Variants in SLIT2 observed in about 807,000 individuals in gnomAD.
SLIT2 encodes the protein slit guidance ligand 2, also known as slit homolog 2 protein.
A neutral mutation model predicts 185.7 loss-of-function variants in SLIT2; 41 were observed. That is an observed-to-expected ratio of 0.22 (90% CI 0.17 to 0.29). The LOEUF (loss-of-function observed/expected upper bound fraction) is 0.29, where lower values mean the gene tolerates loss of function less well. Among genes scored for constraint, SLIT2 ranks in the 10% least tolerant of loss-of-function variants. The pLI, the probability that SLIT2 is intolerant of heterozygous loss-of-function variation, is 1.00. For missense variants in SLIT2, 1,571 were observed against 1,909.0 expected, an observed-to-expected ratio of 0.82 and a Z score of 3.30; for synonymous variants, 693 against 680.2, an observed-to-expected ratio of 1.02 and a Z score of -0.29.
intron 4 of SLIT2, among the ~76,000 whole-genome samples, chr4:20,439,874 A>G (rs1253904879): frequency 6.6e-6 from 1 of 152,212 alleles, no homozygotes; most frequent in Non-Finnish European, 1.5e-5. Context: ...CCCTTGAGGA[A>G]CTCACCACAT....
chr4:20,324,985 G>T (rs1719435898), intron 4 of SLIT2, among the ~76,000 whole-genome samples: 1 of 151,968 alleles, frequency 6.6e-6, no homozygotes, highest in African/African-American at 2.4e-5. Flanking sequence ...TAATAAAGCT[G>T]GAAAAGAAAA....
intron 4 of SLIT2, among the ~76,000 whole-genome samples, chr4:20,322,516 C>T (rs1207978885): frequency 6.6e-6 from 1 of 152,068 alleles, no homozygotes; most frequent in Non-Finnish European, 1.5e-5. Flanking sequence ...CTCCTCTGTG[C>T]TTATCAGGTT....
rs748838365 is a variant in SLIT2 at position 20,617,504 on chromosome 4, A to G, written c.4202A>G (p.His1401Arg). ...FSYSCKCLEG[H>R]GGVLCDEEED... ...TACAGCTGTAAGTGCTTGGAGGGCC[A>G]TGGAGGTGTCCTCTGTGATGAAGAG... is the stretch of plus-strand genomic sequence containing the variant. Residue 1401 changes from histidine to arginine, a missense_variant, in exon 36 of 37, where the codon CAT becomes CGT. By Grantham distance (29) the His-to-Arg change is conservative (BLOSUM62 0). This residue lies in a region of SLIT2 where 223 missense variants were observed against 245.2 expected (regional missense o/e 0.91). Coordinates refer to ENST00000504154, the MANE Select transcript of SLIT2 (RefSeq NM_004787.4). The G allele has an allele frequency of 6.2e-7, 1 of 1,614,120 alleles. No homozygotes were observed. Among genetic ancestry groups the G allele is most frequent in the African/African-American group, 1.3e-5 (1 of 75,058 alleles).
chr4:20,318,441 A>C (rs1482638660), intron 4 of SLIT2, among the ~76,000 whole-genome samples: 1 of 152,212 alleles, frequency 6.6e-6, no homozygotes, highest in African/African-American at 2.4e-5. Flanking sequence ...CTAATGTTCA[A>C]GTGCAAGCAT....
chr4:20,357,985 T>C (rs1178419960), intron 4 of SLIT2, among the ~76,000 whole-genome samples: 1 of 152,146 alleles, frequency 6.6e-6, no homozygotes, highest in African/African-American at 2.4e-5. Context: ...ATATGTGGAT[T>C]TTAATTGTTA....
At chr4:20,401,482 G>T (rs13139138) in intron 4 of SLIT2, among the ~76,000 whole-genome samples, 13,775 of 151,780 alleles carry the variant, frequency 0.091, 810 homozygotes, top group Non-Finnish European at 0.14. Flanking sequence ...GAGAGACAAA[G>T]CTTGTGAAGA....
chr4:20,596,639 C>T lies in SLIT2; in HGVS notation c.3545C>T (p.Thr1182Met), dbSNP rs147077169. The T allele has an allele frequency of 7.4e-6, 12 of 1,612,986 alleles. No individual in the cohort carries two copies. Among genetic ancestry groups the T allele is most frequent in the African/African-American group, 2.7e-5 (2 of 74,992 alleles). ...QIPSAKVRPQ[T>M]NITLQIATDE... ...CCTTCAGCCAAGGTTCGGCCTCAGA[C>T]GAACATAACACTTCAGGTAAGAGAT... Residue 1182 changes from threonine to methionine, a missense_variant, in exon 32 of 37, where the codon ACG (threonine) becomes ATG (methionine). This residue lies in a region of SLIT2 where 146 missense variants were observed against 247.4 expected (regional missense o/e 0.59). Coordinates refer to ENST00000504154, the MANE Select transcript of SLIT2 (RefSeq NM_004787.4).
intron 4 of SLIT2, among the ~76,000 whole-genome samples, chr4:20,406,421 A>G (rs955969698): frequency 1.4e-5 from 2 of 143,724 alleles, no homozygotes; most frequent in Non-Finnish European, 3.1e-5. Flanking sequence ...CAGATTCTCT[A>G]TCTTTAAAAC....
At chr4:20,503,609 A>G (rs776292030) in intron 9 of SLIT2, among the ~76,000 whole-genome samples, 1 of 152,050 alleles carries the variant, frequency 6.6e-6, no homozygotes, top group Non-Finnish European at 1.5e-5. Flanking sequence ...TATTGAGTGT[A>G]TCTTTGTATT....
chr4:20,294,215 G>T (rs1022860676), intron 4 of SLIT2, among the ~76,000 whole-genome samples: 1 of 151,932 alleles, frequency 6.6e-6, no homozygotes, highest in Non-Finnish European at 1.5e-5. Flanking sequence ...GGGCATGGTG[G>T]CATGTGCCTG....
At chr4:20,376,680 T>C (rs1375493779) in intron 4 of SLIT2, among the ~76,000 whole-genome samples, 3 of 152,124 alleles carry the variant, frequency 2.0e-5, no homozygotes, top group African/African-American at 7.2e-5. Context: ...AGAGGGAGTA[T>C]TCCTGGGCAG....
At chr4:20,383,303 G>T (rs1724677890) in intron 4 of SLIT2, among the ~76,000 whole-genome samples, 1 of 152,100 alleles carries the variant, frequency 6.6e-6, no homozygotes, top group Non-Finnish European at 1.5e-5. Flanking sequence ...AGACTAGGAG[G>T]AAGTATTTTA....
chr4:20,490,427 A>G (rs1259481484), intron 8 of SLIT2, among the ~76,000 whole-genome samples: 1 of 151,484 alleles, frequency 6.6e-6, no homozygotes, highest in Non-Finnish European at 1.5e-5. Context: ...TTATTTGTAT[A>G]TGTGTATATA....
At chr4:20,516,594 A>G (rs1290763364) in intron 11 of SLIT2, among the ~76,000 whole-genome samples, 2 of 152,008 alleles carry the variant, frequency 1.3e-5, no homozygotes, top group African/African-American at 4.8e-5. Context: ...TTATGTGATG[A>G]TATTTCTTTC....
At chr4:20,476,102 G>A (rs1051038711) in intron 5 of SLIT2, among the ~76,000 whole-genome samples, 1 of 152,072 alleles carries the variant, frequency 6.6e-6, no homozygotes, top group African/African-American at 2.4e-5. Context: ...TGAAACTTAT[G>A]TCAAGGATGT....
At chr4:20,498,304 G>T (rs756285098) in intron 9 of SLIT2, among the ~76,000 whole-genome samples, 7 of 152,218 alleles carry the variant, frequency 4.6e-5, no homozygotes, top group Non-Finnish European at 1.0e-4. Context: ...GCTGTTTGCT[G>T]CCTTGGGGTC....
chr4:20,333,011 C>T (rs74826666), intron 4 of SLIT2, among the ~76,000 whole-genome samples: 1,659 of 152,172 alleles, frequency 0.011, 22 homozygotes, highest in Middle Eastern at 0.02. Flanking sequence ...TATATTATCT[C>T]CTAATTTTCT....
chr4:20,387,784 T>G (rs1269082543), intron 4 of SLIT2, among the ~76,000 whole-genome samples: 1 of 152,046 alleles, frequency 6.6e-6, no homozygotes, highest in African/African-American at 2.4e-5. Flanking sequence ...ATAACTGAAT[T>G]CTGCCAACAA....
rs767553077 is a variant in SLIT2, at chr4:20,550,896, T to C, written c.2559T>C (p.His853=). The change falls in exon 25 of 37, where the codon CAT becomes CAC. Residue 853 remains histidine, a splice_region_variant and synonymous_variant. Transcript: ENST00000504154. ...TCAATGATCTTTCTGCATTATCACA[T>C]CTGTGAGTACCTAGTTTATGAATAT... ...GAFNDLSALS[H]LAIGANPLYC... 1 of 1,574,608 alleles carries C rather than the reference T, an allele frequency of 6.4e-7. No homozygotes were observed. The highest frequency in any genetic ancestry group is 8.7e-7 in the Non-Finnish European group (1 of 1,145,122).
Sources: gnomAD v4.1 joint callset for allele counts (sites outside exome capture counted in the v4.1 genomes callset) on GRCh38, gnomAD v4.1.1 for gene constraint, gnomAD v4.1.1 regional missense constraint, MANE v1.5 for transcripts, NCBI Gene and HGNC (gene_info 2026-07-23, HGNC 2026-07-21) for gene names.